The following B4GALNT4 variants were observed in gnomAD, a reference collection of about 807,000 sequenced individuals.
The protein encoded by B4GALNT4 is beta-1,4-N-acetyl-galactosaminyltransferase 4.
A neutral mutation model predicts 110.0 loss-of-function variants in B4GALNT4; 77 were observed. The observed-to-expected ratio is 0.70, with a 90% CI of 0.58 to 0.85. B4GALNT4 has a LOEUF of 0.85. Among genes scored for constraint, B4GALNT4 ranks in the 40% least tolerant of loss-of-function variants. The probability of loss-of-function intolerance (pLI) is 0.00; values close to 1 mark genes in which losing one functional copy is unlikely to be tolerated. For missense variants in B4GALNT4, 1,575 were observed against 1,506.0 expected (o/e 1.05, Z -0.76); for synonymous variants, 785 against 655.5 (o/e 1.20, Z -3.02).
In B4GALNT4 at chr11:372,096, G is replaced by A. The variant is rs1350763958; in HGVS notation, c.152-13G>A. ...AGCCTGGGCCCGAGACAGGCCTCAT[G>A]TGCCACCTGCAGATGGTGAGAAGCT... On this transcript the variant is annotated splice_polypyrimidine_tract_variant and intron_variant, in intron 1 of 19. Coordinates refer to ENST00000329962, the MANE Select transcript of B4GALNT4 (RefSeq NM_178537.5). The A allele has an allele frequency of 3.9e-6, 6 of 1,547,214 alleles. No homozygotes were observed. In the Admixed American group the frequency reaches 9.8e-5, roughly 25 times the overall value.
chr11:369,514 C>CCGCGG lies in B4GALNT4; in HGVS notation c.-288_-287insCGGCG. Among the ~76,000 whole-genome samples, 1 of 137,442 alleles carries CCGCGG rather than the reference C, an allele frequency of 7.3e-6. No homozygotes were observed. The highest frequency in any genetic ancestry group is 2.3e-4 in the South Asian group (1 of 4,270). 90.2% of individuals were successfully genotyped at this position (137,442 alleles called of 152,430 possible). A position where few individuals can be genotyped will look rare whatever the true frequency, so the allele number is the denominator to read the frequency against. The stretch of plus-strand genomic sequence containing the variant: ...GCCGGGGCCCGATCCGCGGTGGCAG[C>CCGCGG]CGTGGATGCTGTTCGGTCCCGCCGC... On this transcript the variant is annotated 5_prime_UTR_variant, in exon 1 of 20. Coordinates refer to ENST00000329962, the MANE Select transcript of B4GALNT4 (RefSeq NM_178537.5).
At position 380,992 on chromosome 11, in the gene B4GALNT4, C is replaced by T. The variant is rs761782094; in HGVS notation, c.2996+41C>T. 4.4e-6 allele frequency: 7 copies of T among 1,589,582 alleles called. No individual in the cohort carries two copies. The Admixed American group carries it at 8.9e-5, about 20-fold the overall frequency. On this transcript the variant is annotated intron_variant, in intron 19 of 19. Coordinates refer to ENST00000329962, the MANE Select transcript of B4GALNT4 (RefSeq NM_178537.5). ...CTCCCCAGAGGTGACACCCTGACCC[C>T]TGCGTCCTCCTCCTCTGAATGGGGA...
chr11:376,765 C>A lies in B4GALNT4; in HGVS notation c.1642C>A (p.Pro548Thr). 1 of 1,385,766 alleles carries A rather than the reference C, an allele frequency of 7.2e-7. No homozygotes were observed. The highest frequency in any genetic ancestry group is 9.3e-7 in the Non-Finnish European group (1 of 1,073,444). The allele number at this position is 1,385,766 out of a possible 1,614,324, so 85.8% of individuals were successfully genotyped here. A position where few individuals can be genotyped will look rare whatever the true frequency, so the allele number is the denominator to read the frequency against. Residue 548 changes from proline (P) to threonine (T), a missense_variant, in exon 14 of 20, where the codon CCG becomes ACG. Transcript: ENST00000329962. ...PRAPAPRAPW[P>T]PFPGVFLHPR... ...GGCCCCAGCGCCGCGTGCGCCCTGG[C>A]CGCCCTTCCCTGGCGTCTTCCTGCA...
intron 1 of B4GALNT4, among the ~76,000 whole-genome samples, chr11:370,890 A>G (rs970359601): frequency 6.6e-6 from 1 of 151,970 alleles, no homozygotes. Flanking sequence ...GGACGCCTGG[A>G]CCCACACAGG....
rs1381480924 is a variant in B4GALNT4, at chr11:376,164, T to C, written c.1186T>C (p.Tyr396His). The change falls in exon 12 of 20, where the codon TAT becomes CAT. Residue 396 changes from tyrosine to histidine, a missense_variant. Tyr to His is a moderately conservative substitution (Grantham distance 83). Transcript: ENST00000329962. Reference protein sequence around the residue: ...NKCFYRESPLYLERFGFYKYM... With the variant: ...NKCFYRESPLHLERFGFYKYM... Reference sequence around the variant, plus strand: ...GTGCTTCTACCGCGAGTCTCCGCTGTATCTGGAGAGGTGGGCGCGCGGCCG... The same window carrying C: ...GTGCTTCTACCGCGAGTCTCCGCTGCATCTGGAGAGGTGGGCGCGCGGCCG... 3 of 1,607,002 alleles carry C rather than the reference T, an allele frequency of 1.9e-6. No individual in the cohort carries two copies.
rs1315604647 is a variant in B4GALNT4, at chr11:381,373, G to A, written c.2997-296G>A. On this transcript the variant is annotated intron_variant, in intron 19 of 19. Transcript: ENST00000329962. Reference sequence around the variant, plus strand: ...GGGTCCTGACCACCTCTCCGCCCCCGGCCCCGGGTTCCTGACCACCTCTCC... The same window carrying A: ...GGGTCCTGACCACCTCTCCGCCCCCAGCCCCGGGTTCCTGACCACCTCTCC... Among the ~76,000 whole-genome samples, 9 of 87,880 alleles carry A rather than the reference G, an allele frequency of 1.0e-4. No homozygotes were observed. The South Asian group carries it at 1.4e-3, about 14-fold the overall frequency. The allele number at this position is 87,880 out of a possible 152,430, so 57.7% of individuals were successfully genotyped here.
chr11:380,287 C>T lies in B4GALNT4; in HGVS notation c.2716-5C>T. On this transcript the variant is annotated splice_region_variant and splice_polypyrimidine_tract_variant and intron_variant, in intron 17 of 19. Transcript: ENST00000329962. ...GGCGGGGCTCAGACCTCCCGCACCC[C>T]CCAGGACGCCAGCAGCATCGTGTTC... 1 of 1,612,906 alleles carries T rather than the reference C, an allele frequency of 6.2e-7. No individual in the cohort carries two copies.
In B4GALNT4 at chr11:376,994, C is replaced by G; in HGVS notation, c.1871C>G (p.Pro624Arg). The G allele has an allele frequency of 6.9e-7, 1 of 1,454,438 alleles. No homozygotes were observed. Among genetic ancestry groups the G allele is most frequent in the African/African-American group, 1.5e-5 (1 of 66,668 alleles). The allele number at this position is 1,454,438 out of a possible 1,614,324, so 90.1% of individuals were successfully genotyped here. Residue 624 changes from proline to arginine, a missense_variant, in exon 14 of 20, where the codon CCC becomes CGC. Transcript: ENST00000329962. ...TCAAACTTGTCCTCCGAAGCGCGGC[C>G]CGTGACCTCCTTCCTGAGCTTGTCC... is the stretch of plus-strand genomic sequence containing the variant. ...VDSNLSSEARPVTSFLSLSQV... is the reference protein window; with the variant it reads ...VDSNLSSEARRVTSFLSLSQV...
chr11:373,181 T>C lies in B4GALNT4; in HGVS notation c.536-10T>C, dbSNP rs1298358647. The stretch of plus-strand genomic sequence containing the variant: ...GGCTCCACCCCCCTGAGCCTAGTCT[T>C]GTGGACTAGGAGACGTCCAGTTTTC... On this transcript the variant is annotated splice_polypyrimidine_tract_variant and intron_variant, in intron 5 of 19. Transcript: ENST00000329962. 4 of 1,612,006 alleles carry C rather than the reference T, an allele frequency of 2.5e-6. No individual in the cohort carries two copies. The East Asian group carries it at 8.9e-5, about 36-fold the overall frequency.
chr11:370,494 G>C (rs1003805222), intron 1 of B4GALNT4, among the ~76,000 whole-genome samples: 1 of 152,148 alleles, frequency 6.6e-6, no homozygotes, highest in Non-Finnish European at 1.5e-5. Flanking sequence ...GGGTCCATGC[G>C]TAGGGATGGG....
Position 369,866 on chromosome 11 carries a change from G to T in B4GALNT4, c.63G>T (p.Leu21=). The change falls in exon 1 of 20, where the codon CTG becomes CTT. Residue 21 remains leucine (L), a synonymous_variant. Transcript: ENST00000329962. ...TGAAGCTGCTGCTGCTGCTGCTGCTGCTGAGCTGCGCCGCGTGGCTCACCT... is the reference window on the plus strand; with the variant it reads ...TGAAGCTGCTGCTGCTGCTGCTGCTTCTGAGCTGCGCCGCGTGGCTCACCT... ...KQMKLLLLLL[L]LSCAAWLTYV... The T allele has an allele frequency of 1.0e-6, 1 of 997,754 alleles. No individual in the cohort carries two copies. Among genetic ancestry groups the T allele is most frequent in the Non-Finnish European group, 1.2e-6 (1 of 839,040 alleles). The allele number at this position is 997,754 out of a possible 1,614,324, so 61.8% of individuals were successfully genotyped here.
At chr11:379,759 A>ATGACTAGGAAAGGGTGTGGG (rs1199568746) in intron 15 of B4GALNT4, 58 bp downstream of exon 15, 3 of 1,503,680 alleles carry the variant, frequency 2.0e-6, no homozygotes, top group Non-Finnish European at 2.7e-6. Context: ...ATGGACCCTA[A>ATGACTAGGAAAGGGTGTGGG]TGACTAGGAA....
chr11:381,112 A>G (rs1846867145), intron 19 of B4GALNT4, 161 bp downstream of exon 19: 1 of 985,038 alleles, frequency 1.0e-6, no homozygotes, highest in African/African-American at 1.7e-5. Context: ...AGACTCCTCC[A>G]CCCACATCAC....
chr11:378,490 C>G (rs1241005813), intron 14 of B4GALNT4, among the ~76,000 whole-genome samples: 1 of 152,096 alleles, frequency 6.6e-6, no homozygotes, highest in Non-Finnish European at 1.5e-5. Context: ...TGTAGAGAGA[C>G]CAAGAGCATT....
At chr11:374,000 C>T (rs1846673815) in intron 8 of B4GALNT4, among the ~76,000 whole-genome samples, 172 bp downstream of exon 8, 1 of 152,122 alleles carries the variant, frequency 6.6e-6, no homozygotes, top group South Asian at 2.1e-4. Flanking sequence ...TGAGGCTTCA[C>T]TAGGAGTCAC....
rs763473861 is a variant in B4GALNT4 at position 372,838 on chromosome 11, C to A, written c.349-14C>A. ...CGGCGGGCCGTGCAGAAGGTAAGGC[C>A]CCCCCATCCCCAGTACAAGGGGCAG... On this transcript the variant is annotated splice_polypyrimidine_tract_variant and intron_variant, in intron 3 of 19. Transcript: ENST00000329962. The A allele has an allele frequency of 6.2e-7, 1 of 1,600,816 alleles. No individual in the cohort carries two copies. The highest frequency in any genetic ancestry group is 8.5e-7 in the Non-Finnish European group (1 of 1,175,276).
rs1846839092 is a variant in B4GALNT4, at chr11:379,963, TTTCGAGAGCGAGGATA to T, written c.2588_2603del (p.Phe863TrpfsTer18). 6.2e-7 allele frequency: 1 copy of T among 1,612,600 alleles called. No homozygotes were observed. On this transcript the variant is annotated frameshift_variant, in exon 16 of 20. Coordinates refer to ENST00000329962, the MANE Select transcript of B4GALNT4 (RefSeq NM_178537.5). LOFTEE classifies it high-confidence loss of function. Reference sequence around the variant, plus strand: ...CGCGTTTCAGCGTCGTCCTGGTGGATTTCGAGAGCGAGGATATGGACGTGGAGCGGGCCCTGCGCGC... The same window carrying T: ...CGCGTTTCAGCGTCGTCCTGGTGGATTGGACGTGGAGCGGGCCCTGCGCGC...
intron 2 of B4GALNT4, 21 bp from the exon 3 acceptor site, chr11:372,641 G>T (rs2119639726): frequency 1.2e-6 from 2 of 1,604,792 alleles, no homozygotes; most frequent in South Asian, 2.2e-5. Flanking sequence ...CCCTGACCCT[G>T]TTGCCTTTTC....
At position 376,562 on chromosome 11, in the gene B4GALNT4, C is replaced by T. The variant is rs777126461; in HGVS notation, c.1439C>T (p.Pro480Leu). Residue 480 changes from proline to leucine, a missense_variant, in exon 14 of 20, where the codon CCC becomes CTC. Transcript: ENST00000329962. Reference protein sequence around the residue: ...PGATLAPPTPPRPRDGGTPRH... With the variant: ...PGATLAPPTPLRPRDGGTPRH... The stretch of plus-strand genomic sequence containing the variant: ...GCCACCCTCGCCCCGCCGACCCCTC[C>T]CCGCCCCCGGGACGGGGGGACCCCC... 49 of 1,360,172 alleles carry T rather than the reference C, an allele frequency of 3.6e-5. No homozygotes were observed. The highest frequency in any genetic ancestry group is 4.2e-5 in the Non-Finnish European group (45 of 1,065,740). 84.3% of individuals were successfully genotyped at this position (1,360,172 alleles called of 1,614,324 possible). A position where few individuals can be genotyped will look rare whatever the true frequency, so the allele number is the denominator to read the frequency against.
Sources: gnomAD v4.1 joint callset for allele counts (sites outside exome capture counted in the v4.1 genomes callset) on GRCh38, gnomAD v4.1.1 for gene constraint, MANE v1.5 for transcripts, NCBI Gene and HGNC (gene_info 2026-07-23, HGNC 2026-07-21) for gene names.